The following KCNH3 variants were observed in gnomAD, a reference collection of about 807,000 sequenced individuals.
KCNH3 encodes potassium voltage-gated channel subfamily H member 3, also known as voltage-gated inwardly rectifying potassium channel KCNH3.
In KCNH3, 36 loss-of-function variants were observed where a neutral mutation model predicts 95.6. The ratio of observed to expected loss-of-function variants is 0.38; its 90% CI spans 0.29 to 0.50. The LOEUF (loss-of-function observed/expected upper bound fraction) is 0.50. Among genes scored for constraint, KCNH3 ranks in the 20% least tolerant of loss-of-function variants. The pLI, the probability that KCNH3 is intolerant of heterozygous loss-of-function variation, is 0.95. For missense variants in KCNH3, 1,030 were observed against 1,484.1 expected (o/e 0.69, Z 5.03); for synonymous variants, 620 against 646.3 (o/e 0.96, Z 0.62).
At chr12:49,541,397 C>T (rs371214260) in intron 2 of KCNH3, among the ~76,000 whole-genome samples, 1 of 152,218 alleles carries the variant, frequency 6.6e-6, no homozygotes, top group East Asian at 1.9e-4. Context: ...ATCCGCATTT[C>T]GGCAGGGCAG....
chr12:49,550,916 G>A (rs561776879), intron 10 of KCNH3, among the ~76,000 whole-genome samples: 1 of 152,242 alleles, frequency 6.6e-6, no homozygotes, highest in African/African-American at 2.4e-5. Context: ...TGAAGAAATT[G>A]CAGGTGTGGA....
intron 7 of KCNH3, among the ~76,000 whole-genome samples, chr12:49,547,542 AC>A (rs1354677857): frequency 1.3e-5 from 2 of 152,104 alleles, no homozygotes; most frequent in Admixed American, 6.5e-5. Context: ...GCCGTGTGGC[AC>A]CTCTGAGATG....
At chr12:49,552,866 C>T (rs765583069) in intron 10 of KCNH3, among the ~76,000 whole-genome samples, 11 of 152,294 alleles carry the variant, frequency 7.2e-5, no homozygotes, top group Non-Finnish European at 1.6e-4. Context: ...GCACTCAAAA[C>T]GACCCAGAAG....
Position 49,557,977 on chromosome 12 carries a change from T to G in KCNH3, c.*24T>G, listed in dbSNP as rs1461531218. 3 of 1,448,212 alleles carry G rather than the reference T, an allele frequency of 2.1e-6. No individual in the cohort carries two copies. The highest frequency in any genetic ancestry group is 1.4e-5 in the African/African-American group (1 of 70,674). 89.7% of individuals were successfully genotyped at this position (1,448,212 alleles called of 1,614,324 possible). A position where few individuals can be genotyped will look rare whatever the true frequency, so the allele number is the denominator to read the frequency against. On this transcript the variant is annotated 3_prime_UTR_variant, in exon 15 of 15. Coordinates refer to ENST00000257981, the MANE Select transcript of KCNH3 (RefSeq NM_012284.3). Reference sequence around the variant, plus strand: ...GAGTACCAGCCCTAGAACTCAGCGTTGCCAGGTGTGCTGCCATCTGCTGTT... The same window carrying G: ...GAGTACCAGCCCTAGAACTCAGCGTGGCCAGGTGTGCTGCCATCTGCTGTT...
chr12:49,543,245 C>T, intron 4 of KCNH3, 30 bp from the exon 5 acceptor site: 8 of 1,606,662 alleles, frequency 5.0e-6, no homozygotes, highest in Non-Finnish European at 6.8e-6. Flanking sequence ...ATTCTTTCCT[C>T]TCTGCCTGGA....
intron 2 of KCNH3, among the ~76,000 whole-genome samples, 172 bp downstream of exon 2, chr12:49,541,304 G>A (rs961509444): frequency 1.3e-5 from 2 of 151,662 alleles, no homozygotes; most frequent in African/African-American, 4.9e-5. Flanking sequence ...CTCTTGCCCC[G>A]GCTCCCCATC....
intron 12 of KCNH3, 22 bp downstream of exon 12, chr12:49,555,973 G>C: frequency 8.3e-7 from 1 of 1,202,090 alleles, no homozygotes; most frequent in Non-Finnish European, 1.2e-6. Flanking sequence ...CTAGGCCCCC[G>C]TGGCAGAGAT....
Position 49,554,564 on chromosome 12 carries a change from CTGAG to C in KCNH3, c.2136+12_2136+15del, listed in dbSNP as rs767804211. 2.4e-5 allele frequency: 39 copies of C among 1,606,122 alleles called. No individual in the cohort carries two copies. Among genetic ancestry groups the C allele is most frequent in the South Asian group, 7.7e-5 (7 of 90,950 alleles). On this transcript the variant is annotated intron_variant, in intron 11 of 14. Transcript: ENST00000257981. The stretch of plus-strand genomic sequence containing the variant: ...GGGAGGCTCTGCAGAGGTGAGTGTG[CTGAG>C]TATGTGCTTGGAGGGGATGGGGGTG...
Position 49,543,588 on chromosome 12 carries a change from G to A in KCNH3, c.823+70G>A, listed in dbSNP as rs1381869619. 76 of 1,551,388 alleles carry A rather than the reference G, an allele frequency of 4.9e-5. No individual in the cohort carries two copies. In the South Asian group the frequency reaches 5.8e-4, roughly 12 times the overall value. On this transcript the variant is annotated intron_variant, in intron 5 of 14. Coordinates refer to ENST00000257981, the MANE Select transcript of KCNH3 (RefSeq NM_012284.3). Reference sequence around the variant, plus strand: ...TGGGGCTTTGCTGGGGATAGTCCACGTGGCTTCCAGGGTGCTACAGTGCCC... The same window carrying A: ...TGGGGCTTTGCTGGGGATAGTCCACATGGCTTCCAGGGTGCTACAGTGCCC...
Position 49,539,445 on chromosome 12 carries a change from C to G in KCNH3, c.29C>G (p.Pro10Arg). The G allele has an allele frequency of 6.4e-7, 1 of 1,572,568 alleles. No individual in the cohort carries two copies. The highest frequency in any genetic ancestry group is 8.6e-7 in the Non-Finnish European group (1 of 1,162,540). MPAMRGLLA[P>R]QNTFLDTIAT... ...CCGGCCATGCGGGGCCTCCTGGCGC[C>G]GCAGAACACCTTCCTGGACACCATC... The change falls in exon 1 of 15, where the codon CCG (proline) becomes CGG (arginine). Residue 10 changes from proline (P) to arginine (R), a missense_variant. Coordinates refer to ENST00000257981, the MANE Select transcript of KCNH3 (RefSeq NM_012284.3). This position sits in a 1 kb window ranked among gnomAD's most constrained non-coding sequence, Gnocchi z 6.7.
At chr12:49,553,626 A>G (rs1337921647) in intron 10 of KCNH3, among the ~76,000 whole-genome samples, 1 of 152,206 alleles carries the variant, frequency 6.6e-6, no homozygotes, top group African/African-American at 2.4e-5. Context: ...CATCTCTGAG[A>G]TTACACCGCA....
chr12:49,554,353 C>A lies in KCNH3; in HGVS notation c.1935C>A (p.Ile645=), dbSNP rs146669314. The change falls in exon 11 of 15, where the codon ATC becomes ATA. Residue 645 remains isoleucine (I), a synonymous_variant. Coordinates refer to ENST00000257981, the MANE Select transcript of KCNH3 (RefSeq NM_012284.3). ...TCTCCCCAGGGAAGGGCGACCTGAT[C>A]GGCTGTGAGCTGCCCCGGCGGGAGC... ...VLAILGKGDL[I]GCELPRREQV... is the part of the protein sequence containing the mutation. The A allele has an allele frequency of 1.2e-6, 2 of 1,613,400 alleles. No individual in the cohort carries two copies. The highest frequency in any genetic ancestry group is 1.7e-6 in the Non-Finnish European group (2 of 1,180,008).
chr12:49,549,675 C>T (rs1159239212), intron 9 of KCNH3, 35 bp downstream of exon 9: 1 of 1,579,904 alleles, frequency 6.3e-7, no homozygotes. Flanking sequence ...CTAGCCTTTG[C>T]TCCCTCAGGG....
chr12:49,557,731 T>C lies in KCNH3; in HGVS notation c.3030T>C (p.Ser1010=), dbSNP rs1198540757. ...SEPPASGDLC[S]EPSTPASPPP... ...CCCCTGCCTCAGGAGACCTCTGCTCTGAGCCCAGCACCCCTGCCTCCCCTC... is the reference window on the plus strand; with the variant it reads ...CCCCTGCCTCAGGAGACCTCTGCTCCGAGCCCAGCACCCCTGCCTCCCCTC... The change falls in exon 15 of 15, where the codon TCT becomes TCC. Residue 1010 remains serine, a synonymous_variant. Transcript: ENST00000257981. The C allele has an allele frequency of 6.2e-7, 1 of 1,613,530 alleles. No homozygotes were observed.
intron 7 of KCNH3, among the ~76,000 whole-genome samples, chr12:49,547,610 T>TGG (rs1220787292): frequency 6.6e-6 from 1 of 152,218 alleles, no homozygotes; most frequent in Non-Finnish European, 1.5e-5. Context: ...GGAGCTCCTG[T>TGG]GGGGCCCCCA....
At chr12:49,548,378 G>A (rs1938140300) in intron 7 of KCNH3, among the ~76,000 whole-genome samples, 1 of 152,164 alleles carries the variant, frequency 6.6e-6, no homozygotes, top group African/African-American at 2.4e-5. Context: ...CCATGCAGGC[G>A]TGCTTGGCAC....
At position 49,557,789 on chromosome 12, in the gene KCNH3, G is replaced by A. The variant is rs761534270; in HGVS notation, c.3088G>A (p.Ala1030Thr). 47 of 1,605,822 alleles carry A rather than the reference G, an allele frequency of 2.9e-5. 2 individuals carry two copies. The South Asian group carries it at 3.0e-4, about 10-fold the overall frequency. ...PSEEGARTGPAEPVSQAEATS... is the reference protein window; with the variant it reads ...PSEEGARTGPTEPVSQAEATS... The stretch of plus-strand genomic sequence containing the variant: ...TGAGGAAGGGGCTAGGACTGGGCCC[G>A]CAGAGCCTGTGAGCCAGGCTGAGGC... Residue 1030 changes from alanine (A) to threonine (T), a missense_variant, in exon 15 of 15, where the codon GCA (alanine) becomes ACA (threonine). Physicochemically the swap from Ala to Thr is moderately conservative, Grantham distance 58 (BLOSUM62 0). This residue lies in a region of KCNH3 where 464 missense variants were observed against 493.2 expected (regional missense o/e 0.94). Coordinates refer to ENST00000257981, the MANE Select transcript of KCNH3 (RefSeq NM_012284.3).
At position 49,545,190 on chromosome 12, in the gene KCNH3, C is replaced by G. The variant is rs866986765; in HGVS notation, c.1189+808C>G. ...CCAGACCTTTCCTCACAGCTCTCCC[C>G]CTTCACCTTGCTTTCCCTCGGCTAT... On this transcript the variant is annotated intron_variant, in intron 7 of 14. Coordinates refer to ENST00000257981, the MANE Select transcript of KCNH3 (RefSeq NM_012284.3). 8.5e-5 allele frequency among the ~76,000 whole-genome samples: 13 copies of G among 152,274 alleles called. No individual in the cohort carries two copies. The South Asian group carries it at 2.5e-3, about 29-fold the overall frequency.
Position 49,558,259 on chromosome 12 carries a change from T to A in KCNH3, c.*306T>A, listed in dbSNP as rs74089564. The A allele has an allele frequency of 2.2e-3, 844 of 391,060 alleles. 5 individuals are homozygous for A. Among genetic ancestry groups the A allele is most frequent in the Non-Finnish European group, 2.0e-3 (448 of 223,006 alleles). 24.2% of individuals were successfully genotyped at this position (391,060 alleles called of 1,614,324 possible). On this transcript the variant is annotated 3_prime_UTR_variant, in exon 15 of 15. Coordinates refer to ENST00000257981, the MANE Select transcript of KCNH3 (RefSeq NM_012284.3). ...CTGCATGTGCCCCTGCCTCTACCTG[T>A]CCCCAAATTTTTATATTAAAAAAAA... is the stretch of plus-strand genomic sequence containing the variant.
Sources: gnomAD v4.1 joint callset for allele counts (sites outside exome capture counted in the v4.1 genomes callset) on GRCh38, gnomAD v4.1.1 for gene constraint, gnomAD v4.1.1 regional missense constraint, Gnocchi (gnomAD v3.1) non-coding constraint, MANE v1.5 for transcripts, NCBI Gene and HGNC (gene_info 2026-07-23, HGNC 2026-07-21) for gene names.